LPAR1: variants seen among roughly 807,000 people sequenced by gnomAD.
LPAR1 encodes the protein LPA receptor 1.
LPAR1 carries 5 observed loss-of-function variants against 23.8 expected under a neutral mutation model. That is an observed-to-expected ratio of 0.21 (90% CI 0.11 to 0.44). The LOEUF (loss-of-function observed/expected upper bound fraction) is 0.44. Ranked by LOEUF, LPAR1 falls within the 20% of genes least tolerant of loss-of-function variation. The pLI is 0.99. For synonymous variants in LPAR1, 160 were observed against 164.7 expected, an observed-to-expected ratio of 0.97 and a Z score of 0.22; for missense variants, 311 against 482.8, an observed-to-expected ratio of 0.64 and a Z score of 3.33.
At chr9:110,931,298 G>A (rs970376349) in intron 5 of LPAR1, among the ~76,000 whole-genome samples, 4 of 152,050 alleles carry the variant, frequency 2.6e-5, no homozygotes, top group Non-Finnish European at 5.9e-5. Context: ...ATTATATTGT[G>A]TTTATTTACC....
chr9:111,019,816 G>T (rs544850761), intron 2 of LPAR1, among the ~76,000 whole-genome samples: 2 of 152,190 alleles, frequency 1.3e-5, no homozygotes, highest in Non-Finnish European at 2.9e-5. Context: ...CAGCACATCA[G>T]CCTGGGCGAC....
At chr9:111,013,711 G>A (rs549422442) in intron 2 of LPAR1, among the ~76,000 whole-genome samples, 12 of 152,216 alleles carry the variant, frequency 7.9e-5, no homozygotes, top group Admixed American at 5.2e-4. Context: ...TCAGGGAGCC[G>A]TGACACAAAA....
intron 5 of LPAR1, among the ~76,000 whole-genome samples, chr9:110,936,587 A>G (rs920089217): frequency 6.6e-5 from 10 of 152,232 alleles, no homozygotes; most frequent in Non-Finnish European, 1.2e-4. Flanking sequence ...CAACACAGGA[A>G]GAGTAGGGCC....
In LPAR1 at chr9:110,941,154, T is replaced by C. The variant is rs1401858417; in HGVS notation, c.793+267A>G. Among the ~76,000 whole-genome samples the C allele has an allele frequency of 3.9e-5, 6 of 152,200 alleles. No individual in the cohort carries two copies. Among genetic ancestry groups the C allele is most frequent in the Non-Finnish European group, 7.3e-5 (5 of 68,040 alleles). ...ACTGGTAATTCTGGTATTTTCAATA[T>C]TAGATAGCCAAACTCTTCAATGACA... On this transcript the variant is annotated intron_variant, in intron 5 of 5. Transcript: ENST00000683809. The surrounding 1 kb of genome is among the most constrained non-coding windows in gnomAD (Gnocchi z 6.1).
intron 4 of LPAR1, among the ~76,000 whole-genome samples, chr9:110,943,079 TTATC>T (rs750573747): frequency 6.8e-6 from 1 of 148,094 alleles, no homozygotes; most frequent in East Asian, 1.9e-4. Context: ...ATATGTTTAT[TTATC>T]TATCATAATA....
intron 2 of LPAR1, among the ~76,000 whole-genome samples, chr9:110,978,426 G>A (rs1030004): frequency 0.27 from 40,785 of 152,066 alleles, 5,878 homozygotes; most frequent in African/African-American, 0.37. Context: ...AGCAATAAAG[G>A]AGGAAAGAAG....
intron 5 of LPAR1, among the ~76,000 whole-genome samples, chr9:110,917,866 A>G (rs1355944353): frequency 1.3e-5 from 2 of 151,870 alleles, no homozygotes; most frequent in African/African-American, 4.8e-5. Context: ...TTTAAACTCA[A>G]CTTTGTCCTC....
chr9:110,948,811 A>G (rs963047933), intron 4 of LPAR1, among the ~76,000 whole-genome samples: 7 of 152,120 alleles, frequency 4.6e-5, no homozygotes, highest in African/African-American at 1.7e-4. Context: ...GGGAAACAGA[A>G]GATGAGCCCT....
intron 5 of LPAR1, among the ~76,000 whole-genome samples, chr9:110,893,446 T>G (rs529945879): frequency 6.6e-6 from 1 of 152,288 alleles, no homozygotes; most frequent in African/African-American, 2.4e-5. Context: ...GCACATTACA[T>G]TAAGTCTATA....
At chr9:111,032,149 A>G (rs981719536) in intron 2 of LPAR1, among the ~76,000 whole-genome samples, 1 of 152,230 alleles carries the variant, frequency 6.6e-6, no homozygotes, top group East Asian at 1.9e-4. Context: ...AGAATTACCA[A>G]CCAGATATCA....
intron 5 of LPAR1, among the ~76,000 whole-genome samples, chr9:110,878,933 A>T (rs773171462): frequency 4.1e-4 from 62 of 152,210 alleles, no homozygotes; most frequent in Non-Finnish European, 6.8e-4. Context: ...GAATAGAGAG[A>T]CAACATAGGG....
intron 2 of LPAR1, among the ~76,000 whole-genome samples, chr9:110,974,256 C>T (rs2096499212): frequency 6.6e-6 from 1 of 151,996 alleles, no homozygotes; most frequent in Non-Finnish European, 1.5e-5. Flanking sequence ...GATACCTGAA[C>T]ACTTTTTAAA....
chr9:110,875,452 C>T lies in LPAR1; in HGVS notation c.1064G>A (p.Gly355Glu). 1 of 1,613,720 alleles carries T rather than the reference C, an allele frequency of 6.2e-7. No homozygotes were observed. The highest frequency in any genetic ancestry group is 8.5e-7 in the Non-Finnish European group (1 of 1,179,738). ...ASSLNHTILA[G>E]VHSNDHSVV ...CACAGAGTGGTCATTGCTGTGAACTCCAGCCAAGATGGTGTGGTTGAGGGA... is the reference window on the plus strand; with the variant it reads ...CACAGAGTGGTCATTGCTGTGAACTTCAGCCAAGATGGTGTGGTTGAGGGA... The change falls in exon 6 of 6, where the codon GGA becomes GAA. Residue 355 changes from glycine to glutamate, a missense_variant. Gly to Glu is a moderately conservative substitution (Grantham distance 98, BLOSUM62 -2). This residue lies in a region of LPAR1 where 250 missense variants were observed against 427.2 expected (regional missense o/e 0.59). Transcript: ENST00000683809.
intron 5 of LPAR1, among the ~76,000 whole-genome samples, chr9:110,921,907 T>C (rs1043225102): frequency 2.0e-5 from 3 of 152,174 alleles, no homozygotes; most frequent in Non-Finnish European, 4.4e-5. Context: ...CTGTAGAATT[T>C]AGAACACATC....
At chr9:110,890,189 G>T (rs1032891500) in intron 5 of LPAR1, among the ~76,000 whole-genome samples, 1 of 152,016 alleles carries the variant, frequency 6.6e-6, no homozygotes, top group Non-Finnish European at 1.5e-5. Context: ...TGAAAAAATG[G>T]CTAAAATTGA....
chr9:111,028,945 A>G (rs1295311423), intron 2 of LPAR1, among the ~76,000 whole-genome samples: 7 of 152,178 alleles, frequency 4.6e-5, no homozygotes, highest in Non-Finnish European at 1.0e-4. Flanking sequence ...GGGGTGTTTC[A>G]GGGATTTTTT....
intron 4 of LPAR1, among the ~76,000 whole-genome samples, chr9:110,963,051 T>A (rs1422905079): frequency 6.6e-6 from 1 of 152,066 alleles, no homozygotes; most frequent in Non-Finnish European, 1.5e-5. Context: ...AGTTCCCTAA[T>A]GGGCAAGAAG....
intron 5 of LPAR1, among the ~76,000 whole-genome samples, chr9:110,906,519 T>G (rs1003208999): frequency 2.0e-5 from 3 of 152,176 alleles, no homozygotes; most frequent in Non-Finnish European, 4.4e-5. Flanking sequence ...ACCCAACACA[T>G]GCCAAAATGG....
At chr9:110,942,604 A>G (rs1447075404) in intron 4 of LPAR1, among the ~76,000 whole-genome samples, 1 of 152,194 alleles carries the variant, frequency 6.6e-6, no homozygotes. Flanking sequence ...ATTATTCTGC[A>G]TTTCTATTCT....
Sources: allele counts gnomAD v4.1 joint callset (sites outside exome capture counted in the v4.1 genomes callset), GRCh38; gene constraint gnomAD v4.1.1; regional missense constraint gnomAD v4.1.1; non-coding constraint Gnocchi (gnomAD v3.1); transcripts MANE v1.5; gene names NCBI Gene and HGNC (gene_info 2026-07-23, HGNC 2026-07-21).